PDPR: variants seen among roughly 807,000 people sequenced by gnomAD.
PDPR encodes pyruvate dehydrogenase phosphatase regulatory subunit, mitochondrial.
A neutral mutation model predicts 102.2 loss-of-function variants in PDPR; 50 were observed. The observed-to-expected ratio is 0.49, with a 90% CI of 0.39 to 0.62. The LOEUF (loss-of-function observed/expected upper bound fraction) is 0.62, where lower values mean the gene tolerates loss of function less well. PDPR is among the 20% of genes least tolerant of loss of function. The pLI is 0.00. For synonymous variants in PDPR, 259 were observed against 406.0 expected, an observed-to-expected ratio of 0.64 and a Z score of 4.35; for missense variants, 625 against 1,098.2, an observed-to-expected ratio of 0.57 and a Z score of 6.09.
At chr16:70,135,770 T>TA (rs1394947371) in intron 9 of PDPR, among the ~76,000 whole-genome samples, 3 of 152,232 alleles carry the variant, frequency 2.0e-5, no homozygotes, top group Non-Finnish European at 4.4e-5. Context: ...GGCTCGTCTT[T>TA]AAAAAAATCT....
chr16:70,128,196 G>A (rs1374321307), intron 4 of PDPR, among the ~76,000 whole-genome samples: 2 of 152,054 alleles, frequency 1.3e-5, no homozygotes, highest in Non-Finnish European at 1.5e-5. Context: ...GAAGAATAGG[G>A]ATGGTCGAAT....
intron 18 of PDPR, among the ~76,000 whole-genome samples, chr16:70,154,047 C>T (rs1044346014): frequency 7.2e-5 from 11 of 152,230 alleles, no homozygotes; most frequent in Non-Finnish European, 1.2e-4. Flanking sequence ...GGTGTGGTTG[C>T]GGGCGCCTAT....
rs535142480 is a variant in PDPR at position 70,152,500 on chromosome 16, A to G, written c.2053-891A>G. Among the ~76,000 whole-genome samples, 42 of 152,390 alleles carry G rather than the reference A, an allele frequency of 2.8e-4. No homozygotes were observed. The South Asian group carries it at 8.5e-3, about 31-fold the overall frequency. On this transcript the variant is annotated intron_variant, in intron 17 of 18. Transcript: ENST00000288050. ...GCCACTTCACTCTAGCCTGGGCAAA[A>G]GAGCAAAACTCTGTCTCAAAAATAA...
rs1964415942 is a variant in PDPR, at chr16:70,130,369, C to T, written c.608-54C>T. On this transcript the variant is annotated intron_variant, in intron 6 of 18. Transcript: ENST00000288050. The stretch of plus-strand genomic sequence containing the variant: ...CTGGGTGGAGAACCTGCTGCACATG[C>T]CTTCATTCTGGAACATCAGATGAAA... 5 of 1,599,438 alleles carry T rather than the reference C, an allele frequency of 3.1e-6. No individual in the cohort carries two copies. In the East Asian group the frequency reaches 9.0e-5, roughly 29 times the overall value.
intron 2 of PDPR, chr16:70,120,147 C>T: frequency 3.8e-6 from 1 of 261,938 alleles, no homozygotes; most frequent in South Asian, 4.2e-5. Context: ...GAACCCCTGA[C>T]CTCGTTATCC....
chr16:70,135,732 T>C (rs548464054), intron 9 of PDPR, among the ~76,000 whole-genome samples: 572 of 152,138 alleles, frequency 3.8e-3, no homozygotes, highest in African/African-American at 0.014. Flanking sequence ...TCTACCAAGG[T>C]TTCTGCTTTG....
chr16:70,122,403 G>C (rs1266513399), intron 3 of PDPR, among the ~76,000 whole-genome samples: 1 of 152,282 alleles, frequency 6.6e-6, no homozygotes, highest in Admixed American at 6.5e-5. Context: ...TCTGTTTACA[G>C]AGTTGTGCAT....
At chr16:70,134,891 T>G (rs2911104) in intron 9 of PDPR, among the ~76,000 whole-genome samples, 8 of 152,364 alleles carry the variant, frequency 5.3e-5, no homozygotes, top group Admixed American at 3.9e-4. Context: ...ATGGGCTTTC[T>G]TTTTTTAATA....
Position 70,153,455 on chromosome 16 carries a change from G to A in PDPR, c.2117G>A (p.Gly706Glu). ...VGQKYGIRNA[G>E]YYALRSLRIE... ...CAGAAATACGGAATCCGGAATGCTG[G>A]GTATTACGCTCTTCGCAGTCTCCGA... Residue 706 changes from glycine (G) to glutamate (E), a missense_variant, in exon 18 of 19, where the codon GGG (glycine) becomes GAG (glutamate). Gly to Glu is a moderately conservative substitution (Grantham distance 98). This residue lies in a region of PDPR where 303 missense variants were observed against 258.9 expected (regional missense o/e 1.17). Coordinates refer to ENST00000288050, the MANE Select transcript of PDPR (RefSeq NM_017990.5). 6.2e-7 allele frequency: 1 copy of A among 1,613,910 alleles called. No homozygotes were observed. Among genetic ancestry groups the A allele is most frequent in the Non-Finnish European group, 8.5e-7 (1 of 1,179,848 alleles).
At chr16:70,123,790 C>T (rs1170811176) in intron 3 of PDPR, among the ~76,000 whole-genome samples, 2 of 152,284 alleles carry the variant, frequency 1.3e-5, no homozygotes, top group African/African-American at 4.8e-5. Context: ...CGATCGCTCA[C>T]ACCTGTAATC....
chr16:70,123,102 A>G (rs1963517040), intron 3 of PDPR, among the ~76,000 whole-genome samples: 2 of 152,022 alleles, frequency 1.3e-5, no homozygotes, highest in African/African-American at 2.4e-5. Context: ...GGGTTTCACC[A>G]TGTTGGCCAG....
In PDPR at chr16:70,161,398, C is replaced by G. The variant is rs1230531171; in HGVS notation, c.*4519C>G. 1.3e-5 allele frequency: 2 copies of G among 153,762 alleles called. No individual in the cohort carries two copies. The highest frequency in any genetic ancestry group is 2.1e-4 in the South Asian group (1 of 4,844). The allele number at this position is 153,762 out of a possible 1,614,324, so 9.5% of individuals were successfully genotyped here. On this transcript the variant is annotated 3_prime_UTR_variant, in exon 19 of 19. Coordinates refer to ENST00000288050, the MANE Select transcript of PDPR (RefSeq NM_017990.5). ...CACCCCATCCCCCACACACCCCTCA[C>G]GAACATTGATATAAGCAGTATTAAC...
chr16:70,152,402 C>T (rs1356351202), intron 17 of PDPR, among the ~76,000 whole-genome samples: 4 of 152,268 alleles, frequency 2.6e-5, no homozygotes, highest in Non-Finnish European at 2.9e-5. Flanking sequence ...ACCTATAGTA[C>T]CAGCTACTCG....
intron 11 of PDPR, among the ~76,000 whole-genome samples, chr16:70,140,146 G>C (rs1296749663): frequency 5.9e-5 from 9 of 152,218 alleles, no homozygotes; most frequent in Non-Finnish European, 1.0e-4. Flanking sequence ...GACCAGCCTA[G>C]GCAACGTAGC....
intron 9 of PDPR, among the ~76,000 whole-genome samples, chr16:70,132,628 C>T (rs189378412): frequency 3.3e-5 from 5 of 151,736 alleles, no homozygotes; most frequent in South Asian, 4.2e-4. Context: ...ACTGCAGCCC[C>T]GAACTCCTGG....
chr16:70,147,121 A>G (rs1442582703), intron 16 of PDPR, among the ~76,000 whole-genome samples: 1 of 114,722 alleles, frequency 8.7e-6, no homozygotes, highest in Non-Finnish European at 1.8e-5. Flanking sequence ...TTTTTAGTAG[A>G]GACAGGGTTT....
chr16:70,145,953 G>A (rs1232360283), intron 15 of PDPR, 181 bp from the exon 16 acceptor site: 2 of 588,556 alleles, frequency 3.4e-6, no homozygotes, highest in East Asian at 3.1e-5. Context: ...CCTGTTGGCA[G>A]AGGTGTATTC....
At chr16:70,152,766 G>A (rs1003053229) in intron 17 of PDPR, among the ~76,000 whole-genome samples, 2 of 152,416 alleles carry the variant, frequency 1.3e-5, no homozygotes, top group Non-Finnish European at 2.9e-5. Context: ...TTGAATATTT[G>A]CTTTCAGTTT....
At position 70,161,099 on chromosome 16, in the gene PDPR, C is replaced by T. The variant is rs1238128939; in HGVS notation, c.*4220C>T. 2.6e-5 allele frequency: 4 copies of T among 152,478 alleles called. No homozygotes were observed. The highest frequency in any genetic ancestry group is 9.6e-5 in the African/African-American group (4 of 41,464). 9.4% of individuals were successfully genotyped at this position (152,478 alleles called of 1,614,324 possible). A position where few individuals can be genotyped will look rare whatever the true frequency, so the allele number is the denominator to read the frequency against. On this transcript the variant is annotated 3_prime_UTR_variant, in exon 19 of 19. Transcript: ENST00000288050. ...CTTGGCCAGTGTAGTCAATAAGGGT[C>T]TTCTTTAACATCTAAGATAGAGGTT...
Sources: gnomAD v4.1 joint callset for allele counts (sites outside exome capture counted in the v4.1 genomes callset) on GRCh38, gnomAD v4.1.1 for gene constraint, gnomAD v4.1.1 regional missense constraint, MANE v1.5 for transcripts, NCBI Gene and HGNC (gene_info 2026-07-23, HGNC 2026-07-21) for gene names.